The following CA12 variants were observed in gnomAD, a reference collection of about 807,000 sequenced individuals.
CA12 encodes carbonate dehydratase XII.
Under a neutral mutation model 46.8 loss-of-function variants are expected in CA12, and 36 were observed. The observed-to-expected ratio is 0.77, with a 90% CI of 0.59 to 1.02. The LOEUF is 1.02. CA12 is among the 50% of genes least tolerant of loss of function. CA12 has a pLI of 0.00. For synonymous variants in CA12, 202 were observed against 187.0 expected, an observed-to-expected ratio of 1.08 and a Z score of -0.65; for missense variants, 436 against 451.4, an observed-to-expected ratio of 0.97 and a Z score of 0.31.
Position 63,328,393 on chromosome 15 carries a change from G to A in CA12, c.875-263C>T, listed in dbSNP as rs2038895910. On this transcript the variant is annotated intron_variant, in intron 8 of 10. Coordinates refer to ENST00000178638, the MANE Select transcript of CA12 (RefSeq NM_001218.5). The surrounding 1 kb of genome is among the most constrained non-coding windows in gnomAD (Gnocchi z 5.9). ...GCTCTGCCGCCCAGGCTGGAATGCA[G>A]TGGTGCGATCTTGGCTCACTTCAAC... Among the ~76,000 whole-genome samples the A allele has an allele frequency of 6.7e-6, 1 of 149,356 alleles. No individual in the cohort carries two copies. Among genetic ancestry groups the A allele is most frequent in the Non-Finnish European group, 1.5e-5 (1 of 67,772 alleles).
Position 63,338,992 on chromosome 15 carries a change from C to G in CA12, c.748-47G>C, listed in dbSNP as rs181611828. 2.1e-4 allele frequency: 331 copies of G among 1,612,164 alleles called. 4 individuals are homozygous for G. In the Admixed American group the frequency reaches 5.4e-3, roughly 26 times the overall value. ...GCCCGCAGGCAGAATGACCTCCTCA[C>G]CTGATCCCCTGGGAAGAGGCTAGCT... On this transcript the variant is annotated intron_variant, in intron 7 of 10. Coordinates refer to ENST00000178638, the MANE Select transcript of CA12 (RefSeq NM_001218.5).
At chr15:63,369,381 G>C (rs1256271532) in intron 2 of CA12, among the ~76,000 whole-genome samples, 2 of 152,214 alleles carry the variant, frequency 1.3e-5, no homozygotes, top group African/African-American at 4.8e-5. Context: ...CAAAGAGAAA[G>C]AAACTACAGT....
chr15:63,376,600 T>TTCTTTCTTTCTTTCTTTCTCTC (rs10623502), intron 1 of CA12, among the ~76,000 whole-genome samples: 13 of 134,210 alleles, frequency 9.7e-5, no homozygotes, highest in East Asian at 7.2e-4. Context: ...CTTTCTTTCT[T>TTCTTTCTTTCTTTCTTTCTCTC]TCTCTCTCTC....
At position 63,339,863 on chromosome 15, in the gene CA12, C is replaced by T. The variant is rs1459975353; in HGVS notation, c.747+425G>A. 6.6e-6 allele frequency among the ~76,000 whole-genome samples: 1 copy of T among 152,166 alleles called. No homozygotes were observed. The highest frequency in any genetic ancestry group is 2.4e-5 in the African/African-American group (1 of 41,436). ...AGAGGTGATGGCTAAGGATTTTGTT[C>T]CCCAGTTTGCACTAGACCTTGAGCT... On this transcript the variant is annotated intron_variant, in intron 7 of 10. Coordinates refer to ENST00000178638, the MANE Select transcript of CA12 (RefSeq NM_001218.5). This position sits in a 1 kb window ranked among gnomAD's most constrained non-coding sequence, Gnocchi z 4.3.
chr15:63,333,664 A>G (rs940747049), intron 8 of CA12, among the ~76,000 whole-genome samples: 2 of 152,234 alleles, frequency 1.3e-5, no homozygotes, highest in Non-Finnish European at 2.9e-5. Context: ...AAAAAATTAG[A>G]TAATTAGCCA....
chr15:63,371,615 G>A (rs1477085611), intron 2 of CA12, among the ~76,000 whole-genome samples: 1 of 152,240 alleles, frequency 6.6e-6, no homozygotes, highest in Non-Finnish European at 1.5e-5. Flanking sequence ...TGTCATCCAT[G>A]TTCTTCTGCC....
At chr15:63,375,532 A>G (rs1294975183) in intron 2 of CA12, 126 bp downstream of exon 2, 1 of 682,754 alleles carries the variant, frequency 1.5e-6, no homozygotes, top group Non-Finnish European at 2.6e-6. Flanking sequence ...TCTTTCTACA[A>G]TACAAGAACT....
intron 2 of CA12, among the ~76,000 whole-genome samples, chr15:63,368,717 G>A (rs957441515): frequency 6.6e-6 from 1 of 152,198 alleles, no homozygotes; most frequent in Non-Finnish European, 1.5e-5. Flanking sequence ...ACAGCCAGAG[G>A]CCTGAAAGGC....
intron 8 of CA12, among the ~76,000 whole-genome samples, chr15:63,338,537 G>C (rs1370496910): frequency 6.6e-6 from 1 of 152,196 alleles, no homozygotes; most frequent in East Asian, 1.9e-4. Flanking sequence ...AGTCCCCAGG[G>C]AATTCTCTCT....
At position 63,327,140 on chromosome 15, in the gene CA12, C is replaced by G; in HGVS notation, c.992+9G>C. 1 of 1,613,302 alleles carries G rather than the reference C, an allele frequency of 6.2e-7. No individual in the cohort carries two copies. The highest frequency in any genetic ancestry group is 8.5e-7 in the Non-Finnish European group (1 of 1,179,298). On this transcript the variant is annotated intron_variant, in intron 10 of 10. Coordinates refer to ENST00000178638, the MANE Select transcript of CA12 (RefSeq NM_001218.5). The surrounding 1 kb of genome is among the most constrained non-coding windows in gnomAD (Gnocchi z 4.5). ...TGTCCATTCCCATTTTGGACCCAAACCAGCTCACCTCTTCCTTCTGAAAAG... is the reference window on the plus strand; with the variant it reads ...TGTCCATTCCCATTTTGGACCCAAAGCAGCTCACCTCTTCCTTCTGAAAAG...
chr15:63,351,359 G>A (rs889038879), intron 2 of CA12, among the ~76,000 whole-genome samples: 1 of 152,160 alleles, frequency 6.6e-6, no homozygotes, highest in Non-Finnish European at 1.5e-5. Context: ...TGGCTCTCCT[G>A]CAGTAACCAG....
intron 1 of CA12, among the ~76,000 whole-genome samples, chr15:63,376,388 C>G (rs535891857): frequency 6.6e-6 from 1 of 152,310 alleles, no homozygotes; most frequent in East Asian, 1.9e-4. Flanking sequence ...AGGAGGTTAG[C>G]TGATGATTGG....
At chr15:63,356,055 A>G (rs1288936121) in intron 2 of CA12, among the ~76,000 whole-genome samples, 1 of 152,170 alleles carries the variant, frequency 6.6e-6, no homozygotes, top group Non-Finnish European at 1.5e-5. Context: ...ACCATCAGAA[A>G]CATGGTCATG....
rs1160260797 is a variant in CA12, at chr15:63,339,531, T to C, written c.748-586A>G. 1.3e-5 allele frequency among the ~76,000 whole-genome samples: 2 copies of C among 152,192 alleles called. No homozygotes were observed. The highest frequency in any genetic ancestry group is 4.8e-5 in the African/African-American group (2 of 41,440). ...TTGGTTCATCATGTCCTCATTCCTGTCCACCCACCTGCTGCCATTTACCAG... is the reference window on the plus strand; with the variant it reads ...TTGGTTCATCATGTCCTCATTCCTGCCCACCCACCTGCTGCCATTTACCAG... On this transcript the variant is annotated intron_variant, in intron 7 of 10. Coordinates refer to ENST00000178638, the MANE Select transcript of CA12 (RefSeq NM_001218.5). This position sits in a 1 kb window ranked among gnomAD's most constrained non-coding sequence, Gnocchi z 4.3.
chr15:63,325,983 C>G lies in CA12; in HGVS notation c.*302G>C, dbSNP rs184166337. 2.4e-6 allele frequency: 1 copy of G among 414,976 alleles called. No individual in the cohort carries two copies. The allele number at this position is 414,976 out of a possible 1,614,324, so 25.7% of individuals were successfully genotyped here. A position where few individuals can be genotyped will look rare whatever the true frequency, so the allele number is the denominator to read the frequency against. On this transcript the variant is annotated 3_prime_UTR_variant, in exon 11 of 11. Transcript: ENST00000178638. This position sits in a 1 kb window ranked among gnomAD's most constrained non-coding sequence, Gnocchi z 4.9. Reference sequence around the variant, plus strand: ...GTGTTTTCCAACCATTAATGGCCCACCAGCATGGCTTGGTTTGTGATTCCA... The same window carrying G: ...GTGTTTTCCAACCATTAATGGCCCAGCAGCATGGCTTGGTTTGTGATTCCA...
rs2039080885 is a variant in CA12 at position 63,341,642 on chromosome 15, G to A, written c.525+360C>T. ...CCTTGGATCTAGAGGAGCTTGGATG[G>A]CAGGAGTTGTATCAAGAGTTCAGGC... On this transcript the variant is annotated intron_variant, in intron 5 of 10. Transcript: ENST00000178638. This position sits in a 1 kb window ranked among gnomAD's most constrained non-coding sequence, Gnocchi z 5.2. Among the ~76,000 whole-genome samples, 1 of 152,232 alleles carries A rather than the reference G, an allele frequency of 6.6e-6. No homozygotes were observed.
At chr15:63,369,897 C>A (rs1172215152) in intron 2 of CA12, among the ~76,000 whole-genome samples, 1 of 152,110 alleles carries the variant, frequency 6.6e-6, no homozygotes, top group Non-Finnish European at 1.5e-5. Context: ...GCTGATGAGG[C>A]CAGCTGTGAA....
At chr15:63,369,075 C>T (rs2039469928) in intron 2 of CA12, among the ~76,000 whole-genome samples, 1 of 152,234 alleles carries the variant, frequency 6.6e-6, no homozygotes, top group Non-Finnish European at 1.5e-5. Flanking sequence ...CCTGACTTCA[C>T]CTTGGTCTGA....
At chr15:63,371,613 A>G (rs1022198746) in intron 2 of CA12, among the ~76,000 whole-genome samples, 1 of 152,242 alleles carries the variant, frequency 6.6e-6, no homozygotes, top group African/African-American at 2.4e-5. Flanking sequence ...CTTGTCATCC[A>G]TGTTCTTCTG....
Sources: allele counts gnomAD v4.1 joint callset (sites outside exome capture counted in the v4.1 genomes callset), GRCh38; gene constraint gnomAD v4.1.1; non-coding constraint Gnocchi (gnomAD v3.1); transcripts MANE v1.5; gene names NCBI Gene and HGNC (gene_info 2026-07-23, HGNC 2026-07-21).